PRELID2: variants seen among roughly 807,000 people sequenced by gnomAD.
The protein encoded by PRELID2 is PRELI domain-containing protein 2.
PRELID2 carries 25 observed loss-of-function variants against 28.4 expected under a neutral mutation model. The ratio of observed to expected loss-of-function variants is 0.88; its 90% CI spans 0.64 to 1.23. The LOEUF is 1.23. Among genes scored for constraint, PRELID2 ranks in the 50% most tolerant of loss-of-function variants. PRELID2 has a pLI of 0.00. For missense variants in PRELID2, 201 were observed against 214.4 expected, an observed-to-expected ratio of 0.94 and a Z score of 0.39; for synonymous variants, 76 against 71.6, an observed-to-expected ratio of 1.06 and a Z score of -0.31.
intron 1 of PRELID2, among the ~76,000 whole-genome samples, chr5:145,701,696 T>C (rs1424954638): frequency 2.0e-5 from 3 of 152,246 alleles, no homozygotes; most frequent in Admixed American, 1.3e-4. Flanking sequence ...TAATGAACTA[T>C]GTGCATTTCA....
In PRELID2 at chr5:145,716,334, T is replaced by C. The variant is rs140275585; in HGVS notation, n.70+48597A>G. ...CAAGGAGACAAAGCAAAGATGTTTA[T>C]CATAAAGGAAGAGAAAACCACCAGG... On this transcript the variant is annotated intron_variant and non_coding_transcript_variant, in intron 1 of 2. Transcript: ENST00000510259. Among the ~76,000 whole-genome samples the C allele has an allele frequency of 3.8e-3, 582 of 152,252 alleles. 4 individuals are homozygous for C. The highest frequency in any genetic ancestry group is 0.013 in the African/African-American group (558 of 41,552).
At chr5:145,520,835 T>C (rs1212862542) in intron 1 of PRELID2, among the ~76,000 whole-genome samples, 1 of 152,084 alleles carries the variant, frequency 6.6e-6, no homozygotes, top group Non-Finnish European at 1.5e-5. Flanking sequence ...GAGAACATAG[T>C]ACTCAATATA....
chr5:145,432,599 G>C, the PRELID2 span, among the ~76,000 whole-genome samples: 1 of 152,022 alleles, frequency 6.6e-6, no homozygotes, highest in Non-Finnish European at 1.5e-5. Context: ...ATGTTTGTGT[G>C]TATCTCTCTT....
the PRELID2 span, among the ~76,000 whole-genome samples, chr5:145,267,521 A>G: frequency 6.6e-6 from 1 of 152,174 alleles, no homozygotes; most frequent in Non-Finnish European, 1.5e-5. Flanking sequence ...TAAGTACTCC[A>G]TTGTGTATAA....
intron 1 of PRELID2, among the ~76,000 whole-genome samples, chr5:145,641,672 G>C (rs574053881): frequency 2.6e-4 from 39 of 152,104 alleles, no homozygotes; most frequent in Non-Finnish European, 5.3e-4. Flanking sequence ...GCCCCCCAGG[G>C]GGGCCCTGAC....
chr5:145,762,409 C>T (rs948605632), intron 6 of PRELID2, among the ~76,000 whole-genome samples: 7 of 151,880 alleles, frequency 4.6e-5, no homozygotes, highest in Admixed American at 1.3e-4. Flanking sequence ...TGGTGGTGCA[C>T]GCCTATGGTC....
chr5:145,709,608 G>C (rs991271566), intron 1 of PRELID2, among the ~76,000 whole-genome samples: 4 of 151,000 alleles, frequency 2.6e-5, no homozygotes, highest in African/African-American at 4.9e-5. Flanking sequence ...AAAATGAAGT[G>C]TGTCTGCTCT....
intron 3 of PRELID2, chr5:145,819,725 C>T: frequency 1.7e-6 from 1 of 586,310 alleles, no homozygotes; most frequent in Non-Finnish European, 3.0e-6. Flanking sequence ...ATCTCTATGT[C>T]CATTAAGAGT....
intron 5 of PRELID2, among the ~76,000 whole-genome samples, chr5:145,775,925 A>G (rs754783902): frequency 2.0e-5 from 3 of 151,736 alleles, no homozygotes; most frequent in African/African-American, 7.3e-5. Context: ...GAGTAATCAG[A>G]AAAAAAAAGC....
chr5:145,454,318 A>G, the PRELID2 span, among the ~76,000 whole-genome samples: 3 of 152,210 alleles, frequency 2.0e-5, no homozygotes, highest in African/African-American at 7.2e-5. Flanking sequence ...CCCACAGCCA[A>G]TATCATACTG....
At chr5:145,487,590 G>T (rs144631573) in intron 1 of PRELID2, among the ~76,000 whole-genome samples, 1 of 152,078 alleles carries the variant, frequency 6.6e-6, no homozygotes, top group Admixed American at 6.5e-5. Flanking sequence ...ATGAGTTGGA[G>T]AGGGTCATGT....
chr5:145,244,388 A>C, the PRELID2 span, among the ~76,000 whole-genome samples: 1 of 152,084 alleles, frequency 6.6e-6, no homozygotes, highest in Non-Finnish European at 1.5e-5. Context: ...GTATTTAGCA[A>C]AGTGCCTGGC....
chr5:145,446,645 G>C, the PRELID2 span, among the ~76,000 whole-genome samples: 1 of 152,138 alleles, frequency 6.6e-6, no homozygotes, highest in Admixed American at 6.6e-5. Context: ...AACAGGGAAA[G>C]GGAGAGATTA....
At chr5:145,485,406 G>T (rs1046130760) in intron 1 of PRELID2, among the ~76,000 whole-genome samples, 4 of 152,184 alleles carry the variant, frequency 2.6e-5, no homozygotes, top group Non-Finnish European at 5.9e-5. Context: ...CATACTACTA[G>T]TCAGTGATTC....
chr5:145,298,255 C>T, the PRELID2 span, among the ~76,000 whole-genome samples: 1 of 152,126 alleles, frequency 6.6e-6, no homozygotes, highest in Admixed American at 6.6e-5. Flanking sequence ...CAGCATGGTA[C>T]TGGTACCAAA....
rs534875409 is a variant in PRELID2 at position 145,627,231 on chromosome 5, G to A, written n.70+137700C>T. 2.7e-5 allele frequency among the ~76,000 whole-genome samples: 4 copies of A among 150,672 alleles called. No homozygotes were observed. The Admixed American group carries it at 2.7e-4, about 10-fold the overall frequency. Reference sequence around the variant, plus strand: ...TTACAACAACATGAATGCAACTGGAGGCCATTATCTTTAATGAAATGATTC... The same window carrying A: ...TTACAACAACATGAATGCAACTGGAAGCCATTATCTTTAATGAAATGATTC... On this transcript the variant is annotated intron_variant and non_coding_transcript_variant, in intron 1 of 2. Coordinates refer to the PRELID2 transcript ENST00000510259.
intron 3 of PRELID2, among the ~76,000 whole-genome samples, chr5:145,818,302 C>T (rs923692913): frequency 3.3e-5 from 5 of 152,224 alleles, no homozygotes; most frequent in African/African-American, 1.2e-4. Flanking sequence ...ATTTACCTAA[C>T]TGCTAAACAC....
At chr5:145,303,671 A>C in the PRELID2 span, among the ~76,000 whole-genome samples, 1 of 152,300 alleles carries the variant, frequency 6.6e-6, no homozygotes, top group South Asian at 2.1e-4. Flanking sequence ...AATTAATAGA[A>C]TTCACTCTAG....
chr5:145,792,459 T>C (rs1752456824), intron 5 of PRELID2, among the ~76,000 whole-genome samples: 1 of 152,234 alleles, frequency 6.6e-6, no homozygotes. Context: ...GTGCTGGCAC[T>C]GAACACCAAA....
Sources: allele counts gnomAD v4.1 joint callset (sites outside exome capture counted in the v4.1 genomes callset), GRCh38; gene constraint gnomAD v4.1.1; transcripts MANE v1.5; gene names NCBI Gene and HGNC (gene_info 2026-07-23, HGNC 2026-07-21).